Variants in ATG2B observed in about 807,000 individuals in gnomAD.
The protein encoded by ATG2B is autophagy-related protein 2 homolog B.
Under a neutral mutation model 241.3 loss-of-function variants are expected in ATG2B, and 121 were observed. The observed-to-expected ratio is 0.50, with a 90% confidence interval of 0.43 to 0.58. The LOEUF is 0.58. ATG2B is among the 20% of genes least tolerant of loss of function. The probability of loss-of-function intolerance (pLI) is 0.00; values close to 1 mark genes in which losing one functional copy is unlikely to be tolerated. For synonymous variants in ATG2B, 858 were observed against 876.6 expected (o/e 0.98, Z 0.37); for missense variants, 2,306 against 2,491.6 (o/e 0.93, Z 1.59).
rs912654772 is a variant in ATG2B, at chr14:96,328,903, G to A, written c.1882-137C>T. 9 of 571,786 alleles carry A rather than the reference G, an allele frequency of 1.6e-5. 1 individual carries two copies. The highest frequency in any genetic ancestry group is 6.7e-5 in the Admixed American group (2 of 29,630). 35.4% of individuals were successfully genotyped at this position (571,786 alleles called of 1,614,324 possible). A position where few individuals can be genotyped will look rare whatever the true frequency, so the allele number is the denominator to read the frequency against. On this transcript the variant is annotated intron_variant, in intron 12 of 41. Coordinates refer to ENST00000359933, the MANE Select transcript of ATG2B (RefSeq NM_018036.7). ...CATTTTTGTCACTTACTAGCAATGTGAACCTTAGACAAGTTAGTTAACTCA... is the reference window on the plus strand; with the variant it reads ...CATTTTTGTCACTTACTAGCAATGTAAACCTTAGACAAGTTAGTTAACTCA...
At position 96,325,801 on chromosome 14, in the gene ATG2B, C is replaced by T. The variant is rs755801235; in HGVS notation, c.2285G>A (p.Arg762Gln). The change falls in exon 15 of 42, where the codon CGA becomes CAA. Residue 762 changes from arginine (R) to glutamine (Q), a missense_variant. Arg to Gln is a conservative substitution (Grantham distance 43, BLOSUM62 1). Coordinates refer to ENST00000359933, the MANE Select transcript of ATG2B (RefSeq NM_018036.7). The stretch of plus-strand genomic sequence containing the variant: ...CCATGGTCCTCTTTCTTGATCAGAT[C>T]GAAGATCAGGTATTGGGAAGCGAAC... ...LSVRFPIPDL[R>Q]SDQERGPWFK... 53 of 1,613,806 alleles carry T rather than the reference C, an allele frequency of 3.3e-5. No individual in the cohort carries two copies. The South Asian group carries it at 5.2e-4, about 16-fold the overall frequency.
Position 96,311,170 on chromosome 14 carries a change from G to A in ATG2B, c.4108C>T (p.Gln1370Ter). The A allele has an allele frequency of 6.2e-7, 1 of 1,613,866 alleles. No individual in the cohort carries two copies. The highest frequency in any genetic ancestry group is 2.2e-5 in the East Asian group (1 of 44,870). ...IQYIASYGDL[Q>*]TPNKADMKPG... ...TTCATATCTGCCTTGTTAGGTGTCT[G>A]CAAGTCACCATAGCTTGCAATGTAC... The change falls in exon 28 of 42, where the codon CAG (glutamine) becomes TAG (stop). Residue 1370 changes from glutamine (Q) to a stop codon, truncating the protein, a stop_gained. Transcript: ENST00000359933. LOFTEE classifies it high-confidence loss of function.
intron 15 of ATG2B, 145 bp from the exon 16 acceptor site, chr14:96,324,143 G>A (rs1887530837): frequency 1.3e-5 from 8 of 602,448 alleles, no homozygotes; most frequent in Non-Finnish European, 2.3e-5. Flanking sequence ...TCATGTGCAC[G>A]TGTGGTAGAC....
At chr14:96,316,771 C>A in intron 20 of ATG2B, 88 bp from the exon 21 acceptor site, 1 of 1,212,450 alleles carries the variant, frequency 8.2e-7, no homozygotes, top group Non-Finnish European at 1.2e-6. Context: ...GTTGATTCAG[C>A]TTAGGAAAAT....
rs1887764962 is a variant in ATG2B, at chr14:96,332,511, C to G, written c.1352G>C (p.Ser451Thr). 6.2e-7 allele frequency: 1 copy of G among 1,610,020 alleles called. No homozygotes were observed. Among genetic ancestry groups the G allele is most frequent in the South Asian group, 1.1e-5 (1 of 90,420 alleles). Residue 451 changes from serine (S) to threonine (T), a missense_variant, in exon 9 of 42, where the codon AGT becomes ACT. Transcript: ENST00000359933. ...TAAGTAATACTTTACCACAGTAGCA[C>G]TTAATGGAGATCCTGCTGGGGTATT... ...YTNTPAGSPL[S>T]ATVLQPTWGE...
rs1157495346 is a variant in ATG2B at position 96,280,582 on chromosome 14, T to C, written c.*5173A>G. ...TCACAACAAAATCTTTTAAAGTAAA[T>C]TGCCCTTAAAAATAAGTATGTCTGG... is the stretch of plus-strand genomic sequence containing the variant. On this transcript the variant is annotated 3_prime_UTR_variant, in exon 42 of 42. Coordinates refer to ENST00000359933, the MANE Select transcript of ATG2B (RefSeq NM_018036.7). 2 of 152,164 alleles carry C rather than the reference T, an allele frequency of 1.3e-5. No individual in the cohort carries two copies. Among genetic ancestry groups the C allele is most frequent in the South Asian group, 2.1e-4 (1 of 4,816 alleles). The allele number at this position is 152,164 out of a possible 1,614,324, so 9.4% of individuals were successfully genotyped here.
At chr14:96,295,590 G>A in intron 34 of ATG2B, 30 bp from the exon 35 acceptor site, 8 of 1,436,220 alleles carry the variant, frequency 5.6e-6, no homozygotes, top group East Asian at 4.6e-5. Flanking sequence ...TTTTAACTAA[G>A]GAAGAAAAGA....
chr14:96,295,086 GAAAT>G lies in ATG2B; in HGVS notation c.5296_5299del (p.Ile1766LeufsTer69). 1 of 1,614,178 alleles carries G rather than the reference GAAAT, an allele frequency of 6.2e-7. No homozygotes were observed. The highest frequency in any genetic ancestry group is 8.5e-7 in the Non-Finnish European group (1 of 1,180,024). ...GGAAGGCTGTTTTGGCCCAGAGAAA[GAAAT>G]AACCAGATTTGGCTCCTTTGAGGTA... On this transcript the variant is annotated frameshift_variant, in exon 36 of 42. Coordinates refer to ENST00000359933, the MANE Select transcript of ATG2B (RefSeq NM_018036.7). LOFTEE classifies it high-confidence loss of function.
chr14:96,336,733 A>G (rs1436843411), intron 6 of ATG2B, among the ~76,000 whole-genome samples: 2 of 152,202 alleles, frequency 1.3e-5, no homozygotes, highest in Non-Finnish European at 2.9e-5. Context: ...TGCATTCCCC[A>G]GAGACATAAA....
chr14:96,343,811 T>C (rs1322986747), intron 4 of ATG2B, among the ~76,000 whole-genome samples: 4 of 152,246 alleles, frequency 2.6e-5, no homozygotes, highest in East Asian at 1.9e-4. Flanking sequence ...CATGAAATTT[T>C]AGATTTTTTT....
Position 96,290,846 on chromosome 14 carries a change from C to T in ATG2B, c.5669G>A (p.Gly1890Asp). The change falls in exon 39 of 42, where the codon GGT (glycine) becomes GAT (aspartate). Residue 1890 changes from glycine to aspartate, a missense_variant. Gly to Asp is a moderately conservative substitution (Grantham distance 94). Transcript: ENST00000359933. This position sits in a 1 kb window ranked among gnomAD's most constrained non-coding sequence, Gnocchi z 4.4. ...KKNQLPGILG[G>D]VGPMHSLVQL... Reference sequence around the variant, plus strand: ...TACTAGTGAATGCATAGGTCCAACACCTCCCAGGATTCCTGGTAGCTGGTT... The same window carrying T: ...TACTAGTGAATGCATAGGTCCAACATCTCCCAGGATTCCTGGTAGCTGGTT... 1.9e-6 allele frequency: 3 copies of T among 1,613,902 alleles called. No homozygotes were observed. Among genetic ancestry groups the T allele is most frequent in the Non-Finnish European group, 1.7e-6 (2 of 1,179,944 alleles).
rs1003703009 is a variant in ATG2B at position 96,362,725 on chromosome 14, A to G, written c.162+90T>C. On this transcript the variant is annotated intron_variant, in intron 1 of 41. Coordinates refer to ENST00000359933, the MANE Select transcript of ATG2B (RefSeq NM_018036.7). ...GGGTCCAAACAATTCCCAAGGAGGG[A>G]CTGACTGTCACCAATCTTGGATGGC... 7.6e-6 allele frequency: 10 copies of G among 1,307,302 alleles called. No individual in the cohort carries two copies. The African/African-American group carries it at 1.3e-4, about 17-fold the overall frequency. The allele number at this position is 1,307,302 out of a possible 1,614,324, so 81.0% of individuals were successfully genotyped here. A position where few individuals can be genotyped will look rare whatever the true frequency, so the allele number is the denominator to read the frequency against.
At chr14:96,316,492 C>G in intron 21 of ATG2B, 41 bp downstream of exon 21, 1 of 1,568,674 alleles carries the variant, frequency 6.4e-7, no homozygotes, top group Admixed American at 2.1e-5. Flanking sequence ...GAAATTTAAA[C>G]ATGTCTAAAG....
intron 33 of ATG2B, among the ~76,000 whole-genome samples, chr14:96,302,668 C>T (rs1319129947): frequency 1.3e-5 from 2 of 152,058 alleles, no homozygotes; most frequent in African/African-American, 4.8e-5. Flanking sequence ...TTACTGAAAC[C>T]CTGAAGCTAA....
At chr14:96,286,421 C>T (rs1178498635) in intron 41 of ATG2B, among the ~76,000 whole-genome samples, 2 of 152,084 alleles carry the variant, frequency 1.3e-5, no homozygotes, top group Non-Finnish European at 2.9e-5. Flanking sequence ...TTTTAAATTA[C>T]TGGCTATGTA....
At chr14:96,329,459 TAAAG>T in intron 12 of ATG2B, 21 bp downstream of exon 12, 1 of 1,498,560 alleles carries the variant, frequency 6.7e-7, no homozygotes, top group Non-Finnish European at 9.0e-7. Flanking sequence ...AAAATAATCT[TAAAG>T]AAAAAGTATT....
chr14:96,288,555 A>C (rs548200194), intron 41 of ATG2B, among the ~76,000 whole-genome samples: 1 of 152,088 alleles, frequency 6.6e-6, no homozygotes, highest in South Asian at 2.1e-4. Context: ...TCTTACCTTT[A>C]TTTATCCACT....
intron 29 of ATG2B, 122 bp from the exon 30 acceptor site, chr14:96,307,038 A>G (rs1886969848): frequency 2.4e-6 from 2 of 849,522 alleles, no homozygotes; most frequent in Non-Finnish European, 3.6e-6. Context: ...ATTTCCTAAA[A>G]TAAGTCTATG....
At chr14:96,301,902 G>T in intron 34 of ATG2B, 105 bp downstream of exon 34, 1 of 861,910 alleles carries the variant, frequency 1.2e-6, no homozygotes, top group Non-Finnish European at 1.8e-6. Flanking sequence ...CTTTATATAT[G>T]TAACCGCCAT....
Sources: allele counts gnomAD v4.1 joint callset (sites outside exome capture counted in the v4.1 genomes callset), GRCh38; gene constraint gnomAD v4.1.1; non-coding constraint Gnocchi (gnomAD v3.1); transcripts MANE v1.5; gene names NCBI Gene and HGNC (gene_info 2026-07-23, HGNC 2026-07-21).